The following DNAAF4 variants were observed in gnomAD, a reference collection of about 807,000 sequenced individuals.
DNAAF4 encodes dynein axonemal assembly factor 4.
DNAAF4 carries 43 observed loss-of-function variants against 51.8 expected under a neutral mutation model. That is an observed-to-expected ratio of 0.83 (90% CI 0.65 to 1.07). The LOEUF is 1.07. Among genes scored for constraint, DNAAF4 ranks in the 50% least tolerant of loss-of-function variants. The probability of loss-of-function intolerance (pLI) is 0.00; values close to 1 mark genes in which losing one functional copy is unlikely to be tolerated. For synonymous variants in DNAAF4, 194 were observed against 165.6 expected (o/e 1.17, Z -1.32); for missense variants, 581 against 493.0 (o/e 1.18, Z -1.69).
chr15:55,472,430 C>T (rs2141526842), intron 4 of DNAAF4, among the ~76,000 whole-genome samples: 1 of 152,094 alleles, frequency 6.6e-6, no homozygotes, highest in East Asian at 1.9e-4. Flanking sequence ...ACAACCTGGC[C>T]AACATGGTGA....
At chr15:55,468,173 G>C (rs1311025584) in intron 4 of DNAAF4, among the ~76,000 whole-genome samples, 3 of 152,122 alleles carry the variant, frequency 2.0e-5, no homozygotes, top group African/African-American at 7.2e-5. Flanking sequence ...ATCTGAAGTG[G>C]TTCTAGACTA....
intron 1 of DNAAF4, among the ~76,000 whole-genome samples, chr15:55,502,027 G>A (rs1283847206): frequency 6.6e-6 from 1 of 151,046 alleles, no homozygotes; most frequent in Non-Finnish European, 1.5e-5. Flanking sequence ...TAGGCAACAA[G>A]AGCAAGACTC....
intron 4 of DNAAF4, among the ~76,000 whole-genome samples, chr15:55,484,813 G>C (rs1004653939): frequency 2.0e-5 from 3 of 152,148 alleles, no homozygotes; most frequent in Non-Finnish European, 2.9e-5. Flanking sequence ...ACGAGCAAAA[G>C]ATGTGGGCTG....
At chr15:55,424,447 G>A (rs1387735386) in intron 7 of DNAAF4, among the ~76,000 whole-genome samples, 3 of 152,218 alleles carry the variant, frequency 2.0e-5, no homozygotes. Flanking sequence ...TAGATGGCAT[G>A]TGCAAAATCC....
At chr15:55,432,398 T>A (rs1303687511) in intron 9 of DNAAF4, 99 bp downstream of exon 9, 1 of 818,296 alleles carries the variant, frequency 1.2e-6, no homozygotes, top group East Asian at 2.7e-5. Context: ...TAAAAATATT[T>A]AAAAATGGAG....
chr15:55,497,596 A>AAAT (rs1491351184), intron 3 of DNAAF4, 116 bp downstream of exon 3: 2 of 387,700 alleles, frequency 5.2e-6, no homozygotes, highest in African/African-American at 1.9e-4. Context: ...CAAGACTCTT[A>AAAT]AAAAAAAAAA....
downstream of DNAAF4, among the ~76,000 whole-genome samples, chr15:55,427,088 A>G (rs796463589): frequency 1.1e-4 from 16 of 152,098 alleles, 1 homozygote; most frequent in African/African-American, 3.9e-4. Context: ...GTTTGTTTTG[A>G]GACAGTCTCG....
chr15:55,484,516 T>C (rs1260329891), intron 4 of DNAAF4, among the ~76,000 whole-genome samples: 2 of 151,246 alleles, frequency 1.3e-5, no homozygotes, highest in South Asian at 2.1e-4. Context: ...AGAATTACCA[T>C]TACCATATGA....
In DNAAF4 at chr15:55,448,391, G is replaced by A. The variant is rs143800379; in HGVS notation, c.783+1831C>T. Among the ~76,000 whole-genome samples, 555 of 149,400 alleles carry A rather than the reference G, an allele frequency of 3.7e-3. 3 individuals carry two copies. The highest frequency in any genetic ancestry group is 0.013 in the African/African-American group (539 of 40,638). On this transcript the variant is annotated intron_variant, in intron 6 of 9. Transcript: ENST00000321149. ...AATTCTTTTATATTTTCATTTTTCT[G>A]TACTGAAAAATATGCAGAAGGTCAC... is the stretch of plus-strand genomic sequence containing the variant.
intron 1 of DNAAF4, among the ~76,000 whole-genome samples, chr15:55,507,621 T>G (rs1245739613): frequency 6.6e-6 from 1 of 152,156 alleles, no homozygotes; most frequent in Admixed American, 6.6e-5. Flanking sequence ...TTAACTCTTA[T>G]GTGAAGTTCA....
chr15:55,480,290 T>A lies in DNAAF4; in HGVS notation c.405+10833A>T, dbSNP rs568643383. On this transcript the variant is annotated intron_variant, in intron 4 of 9. Coordinates refer to ENST00000321149, the MANE Select transcript of DNAAF4 (RefSeq NM_130810.4). ...TTATTTCTCAGCTGGCCAACACTTATGGAAAACAGAAAGAACCTACGTTGA... is the reference window on the plus strand; with the variant it reads ...TTATTTCTCAGCTGGCCAACACTTAAGGAAAACAGAAAGAACCTACGTTGA... Among the ~76,000 whole-genome samples the A allele has an allele frequency of 2.0e-5, 3 of 152,188 alleles. No individual in the cohort carries two copies. The East Asian group carries it at 5.8e-4, about 29-fold the overall frequency.
At chr15:55,446,259 C>T (rs562996085) in intron 6 of DNAAF4, among the ~76,000 whole-genome samples, 19 of 99,394 alleles carry the variant, frequency 1.9e-4, no homozygotes, top group East Asian at 1.1e-3. Context: ...ACCTCCTAGA[C>T]GGGGCGGCCG....
At chr15:55,459,568 A>G (rs878886172) in intron 5 of DNAAF4, among the ~76,000 whole-genome samples, 1 of 152,226 alleles carries the variant, frequency 6.6e-6, no homozygotes, top group Admixed American at 6.5e-5. Context: ...TCAAATGGAT[A>G]AAAATCAACC....
intron 6 of DNAAF4, among the ~76,000 whole-genome samples, chr15:55,445,284 AC>A (rs2057780537): frequency 6.6e-6 from 1 of 151,988 alleles, no homozygotes; most frequent in Non-Finnish European, 1.5e-5. Flanking sequence ...TTAACAAAGC[AC>A]ATCTTGCACC....
chr15:55,438,818 T>A (rs1184561285), intron 7 of DNAAF4, among the ~76,000 whole-genome samples: 1 of 151,244 alleles, frequency 6.6e-6, no homozygotes, highest in Non-Finnish European at 1.5e-5. Flanking sequence ...TGGATAAGAA[T>A]AATCAAAACA....
intron 4 of DNAAF4, among the ~76,000 whole-genome samples, chr15:55,483,473 G>C (rs1458113242): frequency 1.3e-5 from 2 of 152,042 alleles, no homozygotes; most frequent in African/African-American, 4.8e-5. Context: ...TACATACTAA[G>C]AAACAATGAA....
chr15:55,446,302 G>GGA (rs1555415284), intron 6 of DNAAF4, among the ~76,000 whole-genome samples: 1 of 113,140 alleles, frequency 8.8e-6, no homozygotes, highest in Admixed American at 8.5e-5. Context: ...CAGACGGGGG[G>GGA]GGGGGGCAGC....
At chr15:55,479,584 G>A (rs1339736312) in intron 4 of DNAAF4, among the ~76,000 whole-genome samples, 1 of 152,142 alleles carries the variant, frequency 6.6e-6, no homozygotes, top group Non-Finnish European at 1.5e-5. Context: ...CTGACTGTCT[G>A]TGGGGTCAGG....
intron 3 of DNAAF4, among the ~76,000 whole-genome samples, chr15:55,494,835 T>C (rs1186527758): frequency 1.3e-5 from 2 of 152,184 alleles, no homozygotes; most frequent in African/African-American, 4.8e-5. Flanking sequence ...ATTTTCACAT[T>C]TTTAAATGGA....
Sources: gnomAD v4.1 joint callset for allele counts (sites outside exome capture counted in the v4.1 genomes callset) on GRCh38, gnomAD v4.1.1 for gene constraint, MANE v1.5 for transcripts, NCBI Gene and HGNC (gene_info 2026-07-23, HGNC 2026-07-21) for gene names.